Variants in WDPCP observed in about 807,000 individuals in gnomAD.
WDPCP encodes WD repeat-containing and planar cell polarity effector protein fritz homolog.
A neutral mutation model predicts 93.1 loss-of-function variants in WDPCP; 71 were observed. The observed-to-expected ratio is 0.76, with a 90% CI of 0.63 to 0.93. WDPCP has a LOEUF of 0.93. Among genes scored for constraint, WDPCP ranks in the 40% least tolerant of loss-of-function variants. WDPCP has a pLI of 0.00. For synonymous variants in WDPCP, 315 were observed against 315.0 expected (o/e 1.00, Z 0.00); for missense variants, 844 against 887.4 (o/e 0.95, Z 0.62).
chr2:63,193,601 C>A (rs1230770533), intron 14 of WDPCP, among the ~76,000 whole-genome samples: 2 of 152,218 alleles, frequency 1.3e-5, no homozygotes, highest in African/African-American at 4.8e-5. Context: ...TCCTCCCTAG[C>A]TCAGCCTCCT....
intron 2 of WDPCP, among the ~76,000 whole-genome samples, chr2:63,779,951 C>T (rs1243664943): frequency 2.0e-5 from 3 of 152,096 alleles, no homozygotes; most frequent in Admixed American, 2.0e-4. Context: ...AGTCAAGATG[C>T]CATCCTCATC....
chr2:63,495,062 T>C (rs535810336), intron 1 of WDPCP, among the ~76,000 whole-genome samples: 1 of 152,260 alleles, frequency 6.6e-6, no homozygotes, highest in East Asian at 1.9e-4. Context: ...TGAATTTACT[T>C]TCTTCCGTGC....
chr2:63,425,853 T>C (rs543943686), intron 9 of WDPCP, among the ~76,000 whole-genome samples: 6 of 152,166 alleles, frequency 3.9e-5, no homozygotes, highest in Admixed American at 2.6e-4. Context: ...GAGACTGATA[T>C]GCAAATTCAA....
chr2:63,139,085 A>G, intron 17 of WDPCP, among the ~76,000 whole-genome samples: 1 of 152,100 alleles, frequency 6.6e-6, no homozygotes, highest in South Asian at 2.1e-4. Flanking sequence ...ATGTGTGTGT[A>G]TATATATACG....
chr2:63,613,506 C>T (rs1709637542), intron 3 of WDPCP, among the ~76,000 whole-genome samples: 2 of 152,214 alleles, frequency 1.3e-5, no homozygotes. Flanking sequence ...CCAGCCATTG[C>T]CTGCTCTCTA....
At chr2:63,213,448 A>G (rs994042711) in intron 14 of WDPCP, among the ~76,000 whole-genome samples, 3 of 152,230 alleles carry the variant, frequency 2.0e-5, no homozygotes, top group Non-Finnish European at 2.9e-5. Context: ...ACAACATACC[A>G]GAATCTCTGG....
intron 1 of WDPCP, among the ~76,000 whole-genome samples, chr2:63,499,867 A>G (rs1701437521): frequency 6.6e-6 from 1 of 152,230 alleles, no homozygotes; most frequent in African/African-American, 2.4e-5. Flanking sequence ...CCATCTGTTC[A>G]CAATGACTGC....
intron 9 of WDPCP, among the ~76,000 whole-genome samples, chr2:63,416,325 G>A (rs1022301930): frequency 2.0e-5 from 3 of 151,330 alleles, no homozygotes; most frequent in Non-Finnish European, 2.9e-5. Flanking sequence ...TCAGCCTCCC[G>A]AGTAGCTGCG....
intron 14 of WDPCP, among the ~76,000 whole-genome samples, chr2:63,256,959 GGTAACATATGTTAC>G (rs1267101843): frequency 6.6e-6 from 1 of 152,048 alleles, no homozygotes; most frequent in Non-Finnish European, 1.5e-5. Context: ...CTGGGGTCCT[GGTAACATATGTTAC>G]TTGGTCAGGA....
intron 9 of WDPCP, among the ~76,000 whole-genome samples, chr2:63,410,246 G>A (rs1406017031): frequency 1.3e-5 from 2 of 152,146 alleles, no homozygotes; most frequent in Admixed American, 1.3e-4. Context: ...TATCAGTCAA[G>A]AATTTTGTAT....
intron 12 of WDPCP, among the ~76,000 whole-genome samples, chr2:63,348,796 A>G (rs866563204): frequency 2.4e-4 from 36 of 152,316 alleles, no homozygotes; most frequent in African/African-American, 7.5e-4. Context: ...GTAAAAAGAT[A>G]AGGCCCAACA....
chr2:63,411,127 C>CATGAT (rs1175653894), intron 9 of WDPCP, among the ~76,000 whole-genome samples: 2 of 152,122 alleles, frequency 1.3e-5, no homozygotes, highest in East Asian at 1.9e-4. Flanking sequence ...AGATAAACCA[C>CATGAT]ATGATAGTCC....
chr2:63,709,796 G>A (rs1309217751), intron 2 of WDPCP, among the ~76,000 whole-genome samples: 2 of 152,132 alleles, frequency 1.3e-5, no homozygotes, highest in Non-Finnish European at 2.9e-5. Context: ...GGAAATTATT[G>A]AAGATATTCA....
At chr2:63,603,247 C>T (rs966003640) in intron 3 of WDPCP, among the ~76,000 whole-genome samples, 4 of 152,070 alleles carry the variant, frequency 2.6e-5, no homozygotes, top group African/African-American at 4.8e-5. Context: ...TGAGCCACCG[C>T]GCCTGGCATA....
intron 2 of WDPCP, among the ~76,000 whole-genome samples, chr2:63,673,495 G>T (rs1182547788): frequency 6.6e-6 from 1 of 152,116 alleles, no homozygotes; most frequent in Non-Finnish European, 1.5e-5. Flanking sequence ...CCCATTAAAG[G>T]AATCCCCATC....
At chr2:63,691,613 C>T (rs1668888986) in intron 2 of WDPCP, among the ~76,000 whole-genome samples, 1 of 151,406 alleles carries the variant, frequency 6.6e-6, no homozygotes, top group Admixed American at 6.6e-5. Flanking sequence ...CCAGCCTGGG[C>T]AACAAGAGCT....
chr2:63,540,318 A>C (rs1228128895), intron 1 of WDPCP, among the ~76,000 whole-genome samples: 1 of 152,240 alleles, frequency 6.6e-6, no homozygotes, highest in African/African-American at 2.4e-5. Context: ...TAATGAATTA[A>C]GAGTTATGGA....
At chr2:63,322,332 G>A (rs941061977) in intron 12 of WDPCP, among the ~76,000 whole-genome samples, 11 of 152,248 alleles carry the variant, frequency 7.2e-5, no homozygotes, top group African/African-American at 2.7e-4. Flanking sequence ...CAGGCCACCT[G>A]AGCCAGCAGT....
chr2:63,319,362 T>G (rs1296102934), intron 12 of WDPCP, among the ~76,000 whole-genome samples: 1 of 152,166 alleles, frequency 6.6e-6, no homozygotes, highest in Non-Finnish European at 1.5e-5. Context: ...ATGTACTTAA[T>G]AAAATAGGCT....
Sources: gnomAD v4.1 joint callset for allele counts (sites outside exome capture counted in the v4.1 genomes callset) on GRCh38, gnomAD v4.1.1 for gene constraint, MANE v1.5 for transcripts, NCBI Gene and HGNC (gene_info 2026-07-23, HGNC 2026-07-21) for gene names.